The following NOL10 variants were observed in gnomAD, a reference collection of about 807,000 sequenced individuals.
NOL10 encodes H_NH0074G24.1.
In NOL10, 58 loss-of-function variants were observed where a neutral mutation model predicts 103.5. The ratio of observed to expected loss-of-function variants is 0.56; its 90% confidence interval spans 0.45 to 0.70. The LOEUF is 0.70. Ranked by LOEUF, NOL10 falls within the 30% of genes least tolerant of loss-of-function variation. The probability of loss-of-function intolerance (pLI) is 0.00; values close to 1 mark genes in which losing one functional copy is unlikely to be tolerated. For missense variants in NOL10, 763 were observed against 807.3 expected (o/e 0.95, Z 0.67); for synonymous variants, 287 against 282.5 (o/e 1.02, Z -0.16).
chr2:10,589,407 C>G, intron 18 of NOL10, 117 bp from the exon 19 acceptor site: 1 of 1,381,880 alleles, frequency 7.2e-7, no homozygotes, highest in South Asian at 1.4e-5. Context: ...CTACTGCATG[C>G]ATCAGGAGAA....
intron 20 of NOL10, among the ~76,000 whole-genome samples, chr2:10,573,900 C>T (rs1674315318): frequency 6.6e-6 from 1 of 152,176 alleles, no homozygotes; most frequent in Non-Finnish European, 1.5e-5. Context: ...AGCTGCCTTC[C>T]TCGTGCTCTG....
intron 13 of NOL10, chr2:10,634,548 C>CAGAGGGAAGGCTGG (rs1295023555): frequency 4.4e-6 from 2 of 456,668 alleles, no homozygotes; most frequent in Non-Finnish European, 8.8e-6. Flanking sequence ...CTCTGTAGCT[C>CAGAGGGAAGGCTGG]AGAGGGAAGG....
chr2:10,620,157 T>C (rs1677052899), intron 13 of NOL10, among the ~76,000 whole-genome samples: 1 of 152,350 alleles, frequency 6.6e-6, no homozygotes, highest in East Asian at 1.9e-4. Context: ...TGGTGTGTTA[T>C]CCTTAGCACA....
rs1178467392 is a variant in NOL10 at position 10,582,080 on chromosome 2, T to C, written c.1845-4342A>G. On this transcript the variant is annotated intron_variant, in intron 19 of 20. Transcript: ENST00000381685. ...CTTGAGTAATACAAGATTCTCTTTTTAAAAATGTAAGCCTGGAATTTAATT... is the reference window on the plus strand; with the variant it reads ...CTTGAGTAATACAAGATTCTCTTTTCAAAAATGTAAGCCTGGAATTTAATT... Among the ~76,000 whole-genome samples the C allele has an allele frequency of 2.0e-5, 3 of 152,232 alleles. No individual in the cohort carries two copies. The South Asian group carries it at 6.2e-4, about 31-fold the overall frequency.
At chr2:10,640,071 A>T (rs1678597829) in intron 13 of NOL10, among the ~76,000 whole-genome samples, 1 of 152,260 alleles carries the variant, frequency 6.6e-6, no homozygotes, top group Non-Finnish European at 1.5e-5. Context: ...CTTCATCTTC[A>T]GTATGCCCCA....
intron 13 of NOL10, among the ~76,000 whole-genome samples, chr2:10,612,417 T>G (rs1676619909): frequency 6.6e-6 from 1 of 152,240 alleles, no homozygotes; most frequent in Non-Finnish European, 1.5e-5. Flanking sequence ...AGCCTTTCAT[T>G]ATCTAACGTA....
At chr2:10,610,453 G>C (rs113596526) in intron 13 of NOL10, among the ~76,000 whole-genome samples, 20 of 151,958 alleles carry the variant, frequency 1.3e-4, no homozygotes, top group African/African-American at 4.8e-4. Context: ...AAATTTTCTA[G>C]GAAAAAATAT....
Position 10,602,862 on chromosome 2 carries a change from C to T in NOL10, c.1246G>A (p.Val416Ile), listed in dbSNP as rs1676052748. The T allele has an allele frequency of 6.3e-7, 1 of 1,599,298 alleles. No individual in the cohort carries two copies. The highest frequency in any genetic ancestry group is 1.1e-5 in the South Asian group (1 of 88,098). ...TATTCTTCATAAGCAAATGGATTTACCATCAGTTTCACCTTTTCAAAATGA... is the reference window on the plus strand; with the variant it reads ...TATTCTTCATAAGCAAATGGATTTATCATCAGTTTCACCTTTTCAAAATGA... The part of the protein sequence containing the change: ...IRLYHKVKLM[V>I]NPFAYEEYRK... Residue 416 changes from valine (V) to isoleucine (I), a missense_variant, in exon 16 of 21, where the codon GTA becomes ATA. Coordinates refer to ENST00000381685, the MANE Select transcript of NOL10 (RefSeq NM_024894.4).
intron 9 of NOL10, among the ~76,000 whole-genome samples, chr2:10,662,655 T>C (rs1030386932): frequency 5.3e-5 from 8 of 152,156 alleles, no homozygotes; most frequent in African/African-American, 1.9e-4. Context: ...TCTGTGGACT[T>C]TGTGGTGGAC....
chr2:10,597,150 A>T (rs1396218296), intron 17 of NOL10, among the ~76,000 whole-genome samples: 1 of 152,174 alleles, frequency 6.6e-6, no homozygotes, highest in Non-Finnish European at 1.5e-5. Context: ...TGTTAACTAG[A>T]ATTAATGCAA....
At chr2:10,664,725 G>T (rs993641045) in intron 8 of NOL10, among the ~76,000 whole-genome samples, 1 of 152,154 alleles carries the variant, frequency 6.6e-6, no homozygotes, top group Non-Finnish European at 1.5e-5. Flanking sequence ...TGGTAGAGAA[G>T]AGGTGTCGCC....
At chr2:10,650,263 C>T (rs929471642) in intron 12 of NOL10, among the ~76,000 whole-genome samples, 4 of 151,976 alleles carry the variant, frequency 2.6e-5, no homozygotes, top group Non-Finnish European at 4.4e-5. Flanking sequence ...TGGGCTCAAG[C>T]GATCCTCCTG....
chr2:10,608,848 T>G (rs1676396277), intron 13 of NOL10, among the ~76,000 whole-genome samples: 1 of 152,158 alleles, frequency 6.6e-6, no homozygotes, highest in Non-Finnish European at 1.5e-5. Flanking sequence ...TGAAAAAAAC[T>G]CGAGCATATA....
intron 13 of NOL10, among the ~76,000 whole-genome samples, chr2:10,609,809 A>G (rs945879825): frequency 3.9e-5 from 6 of 152,216 alleles, no homozygotes; most frequent in Admixed American, 2.6e-4. Flanking sequence ...AGATCAAAGT[A>G]TGCTATTATT....
chr2:10,604,934 G>A (rs1219948187), intron 14 of NOL10: 2 of 152,184 alleles, frequency 1.3e-5, no homozygotes, highest in Admixed American at 6.5e-5. Flanking sequence ...AGTATGCGAG[G>A]TAAAGAAATT....
Position 10,589,632 on chromosome 2 carries a change from A to C in NOL10, c.1542T>G (p.Ser514Arg). The stretch of plus-strand genomic sequence containing the variant: ...GTCTTAGTTTCTTCTTCCTTTTTTC[A>C]CTAATTTTTGAAACAAGTGGATTCA... ...RLLNPLVSKI[S>R]EKRKKKLRLL... Residue 514 changes from serine to arginine, a missense_variant, in exon 18 of 21, where the codon AGT becomes AGG. Ser to Arg is a moderately radical substitution (Grantham distance 110, BLOSUM62 -1). Transcript: ENST00000381685. The C allele has an allele frequency of 6.3e-7, 1 of 1,589,578 alleles. No individual in the cohort carries two copies. The highest frequency in any genetic ancestry group is 8.5e-7 in the Non-Finnish European group (1 of 1,171,382).
chr2:10,624,549 G>C (rs1677342764), intron 13 of NOL10, among the ~76,000 whole-genome samples: 1 of 151,714 alleles, frequency 6.6e-6, no homozygotes, highest in South Asian at 2.1e-4. Context: ...TCAAAATTAG[G>C]TAACAAAAGT....
intron 20 of NOL10, among the ~76,000 whole-genome samples, chr2:10,575,488 T>C (rs889525844): frequency 1.3e-5 from 2 of 152,196 alleles, no homozygotes; most frequent in Admixed American, 6.5e-5. Context: ...AAACATTAAT[T>C]GACACAGTCC....
chr2:10,611,891 G>C (rs955046301), intron 13 of NOL10, among the ~76,000 whole-genome samples: 1 of 152,010 alleles, frequency 6.6e-6, no homozygotes, highest in African/African-American at 2.4e-5. Flanking sequence ...CTCCAGCCTG[G>C]GTGACAGAAT....
Sources: gnomAD v4.1 joint callset for allele counts (sites outside exome capture counted in the v4.1 genomes callset) on GRCh38, gnomAD v4.1.1 for gene constraint, MANE v1.5 for transcripts, NCBI Gene and HGNC (gene_info 2026-07-23, HGNC 2026-07-21) for gene names.